The following SPSB1 variants were observed in gnomAD, a reference collection of about 807,000 sequenced individuals.
SPSB1 encodes the protein splA/ryanodine receptor domain and SOCS box containing 1.
SPSB1 carries 8 observed loss-of-function variants against 21.2 expected under a neutral mutation model. The observed-to-expected ratio is 0.38, with a 90% CI of 0.22 to 0.68. SPSB1 has a LOEUF of 0.68. Ranked by LOEUF, SPSB1 falls within the 30% of genes least tolerant of loss-of-function variation. The pLI is 0.53. For synonymous variants in SPSB1, 169 were observed against 161.7 expected (o/e 1.05, Z -0.34); for missense variants, 242 against 377.8 (o/e 0.64, Z 2.98).
rs1400558227 is a variant in SPSB1 at position 9,368,184 on chromosome 1, ATTCTT to A, written c.*612_*616del. The stretch of plus-strand genomic sequence containing the variant: ...TGCCGGTGCCCCGTACCCTGTATTT[ATTCTT>A]TTAACAATAACAAAAGCCATTTATT... On this transcript the variant is annotated 3_prime_UTR_variant, in exon 3 of 3. Transcript: ENST00000328089. 1 of 153,102 alleles carries A rather than the reference ATTCTT, an allele frequency of 6.5e-6. No individual in the cohort carries two copies. The highest frequency in any genetic ancestry group is 2.4e-5 in the African/African-American group (1 of 41,444). The allele number at this position is 153,102 out of a possible 1,614,324, so 9.5% of individuals were successfully genotyped here. A position where few individuals can be genotyped will look rare whatever the true frequency, so the allele number is the denominator to read the frequency against.
At chr1:9,313,224 C>G (rs1429940217) in intron 1 of SPSB1, among the ~76,000 whole-genome samples, 1 of 152,078 alleles carries the variant, frequency 6.6e-6, no homozygotes, top group Non-Finnish European at 1.5e-5. Context: ...TGATGAAACC[C>G]TGTCTCTACT....
intron 2 of SPSB1, among the ~76,000 whole-genome samples, chr1:9,360,251 G>A (rs1640447408): frequency 6.6e-6 from 1 of 152,156 alleles, no homozygotes; most frequent in South Asian, 2.1e-4. Flanking sequence ...TGTCCTGGAT[G>A]CCAAGTGAGG....
intron 1 of SPSB1, among the ~76,000 whole-genome samples, chr1:9,306,919 CTTCTT>C (rs70979729): frequency 0.13 from 8,494 of 65,062 alleles, 340 homozygotes; most frequent in Non-Finnish European, 0.16. Flanking sequence ...TTTTACTTTT[CTTCTT>C]TTCTTCTTTT....
chr1:9,367,393 G>A lies in SPSB1; in HGVS notation c.695-55G>A, dbSNP rs1640592483. ...TAATATTGCTGCTGTGGTTAGCGCTGTTTGCTGAACACCCACCCAAGCTGC... is the reference window on the plus strand; with the variant it reads ...TAATATTGCTGCTGTGGTTAGCGCTATTTGCTGAACACCCACCCAAGCTGC... On this transcript the variant is annotated intron_variant, in intron 2 of 2. Transcript: ENST00000328089. This position sits in a 1 kb window ranked among gnomAD's most constrained non-coding sequence, Gnocchi z 5.9. The A allele has an allele frequency of 1.9e-6, 3 of 1,611,768 alleles. No homozygotes were observed. Among genetic ancestry groups the A allele is most frequent in the African/African-American group, 1.3e-5 (1 of 75,040 alleles).
rs561795344 is a variant in SPSB1, at chr1:9,357,366, T to A, written c.694+781T>A. Among the ~76,000 whole-genome samples the A allele has an allele frequency of 3.9e-5, 6 of 152,234 alleles. No homozygotes were observed. The South Asian group carries it at 1.2e-3, about 32-fold the overall frequency. ...ACTAATGAATTGATGGATAAATGGATAGATGGATGAATTAATAAGTAGGTG... is the reference window on the plus strand; with the variant it reads ...ACTAATGAATTGATGGATAAATGGAAAGATGGATGAATTAATAAGTAGGTG... On this transcript the variant is annotated intron_variant, in intron 2 of 2. Coordinates refer to ENST00000328089, the MANE Select transcript of SPSB1 (RefSeq NM_025106.4).
chr1:9,322,800 C>A (rs967284241), intron 1 of SPSB1, among the ~76,000 whole-genome samples: 1 of 152,134 alleles, frequency 6.6e-6, no homozygotes, highest in Admixed American at 6.5e-5. Flanking sequence ...TGATGGTCAG[C>A]GGGGGCAGGC....
intron 1 of SPSB1, among the ~76,000 whole-genome samples, chr1:9,340,905 G>C (rs942865255): frequency 6.6e-6 from 1 of 152,216 alleles, no homozygotes; most frequent in African/African-American, 2.4e-5. Context: ...TGCGGTGCGG[G>C]GAGGCAGAGT....
intron 1 of SPSB1, among the ~76,000 whole-genome samples, chr1:9,316,433 C>G (rs1221427901): frequency 1.3e-5 from 2 of 152,182 alleles, no homozygotes; most frequent in Non-Finnish European, 2.9e-5. Flanking sequence ...TGTCCCCACA[C>G]GGGCTCAACC....
intron 1 of SPSB1, among the ~76,000 whole-genome samples, chr1:9,308,684 G>A (rs1260279798): frequency 1.3e-5 from 2 of 152,172 alleles, no homozygotes; most frequent in Non-Finnish European, 2.9e-5. Context: ...CCCTTAAACA[G>A]TCCTGTGAGT....
intron 1 of SPSB1, among the ~76,000 whole-genome samples, chr1:9,310,337 T>A (rs1639496557): frequency 6.6e-6 from 1 of 152,154 alleles, no homozygotes; most frequent in Non-Finnish European, 1.5e-5. Context: ...GAAAGGCATC[T>A]CATGTGAGGT....
rs1432301748 is a variant in SPSB1 at position 9,368,520 on chromosome 1, CTT to C, written c.*946_*947del. The C allele has an allele frequency of 6.6e-6, 1 of 152,228 alleles. No homozygotes were observed. Among genetic ancestry groups the C allele is most frequent in the Non-Finnish European group, 1.5e-5 (1 of 68,044 alleles). 9.4% of individuals were successfully genotyped at this position (152,228 alleles called of 1,614,324 possible). ...TGTGTCTCCAGGTAACCAGCTAACT[CTT>C]GGGCTCAGGCACCCTTGCACAGGGT... On this transcript the variant is annotated 3_prime_UTR_variant, in exon 3 of 3. Transcript: ENST00000328089.
At chr1:9,339,139 G>T (rs1012870609) in intron 1 of SPSB1, 202 of 893,236 alleles carry the variant, frequency 2.3e-4, no homozygotes, top group Non-Finnish European at 2.5e-4. Context: ...CTACTGCGGG[G>T]GCTCCGGAGG....
At chr1:9,364,635 C>T (rs1640528300) in intron 2 of SPSB1, among the ~76,000 whole-genome samples, 1 of 152,194 alleles carries the variant, frequency 6.6e-6, no homozygotes, top group African/African-American at 2.4e-5. Flanking sequence ...CTCCATTCGT[C>T]TCCAATCAGA....
intron 2 of SPSB1, among the ~76,000 whole-genome samples, chr1:9,357,887 G>A (rs9435244): frequency 0.16 from 23,717 of 152,120 alleles, 2,038 homozygotes; most frequent in South Asian, 0.23. Context: ...CCCTTCTACC[G>A]CCTGCAAGTC....
At chr1:9,349,460 A>G (rs1221334746) in intron 1 of SPSB1, among the ~76,000 whole-genome samples, 3 of 152,234 alleles carry the variant, frequency 2.0e-5, no homozygotes, top group Non-Finnish European at 4.4e-5. Flanking sequence ...GCTCAACCAG[A>G]GAGGCCAAGG....
chr1:9,342,476 C>A (rs978072651), intron 1 of SPSB1, among the ~76,000 whole-genome samples: 1 of 152,202 alleles, frequency 6.6e-6, no homozygotes, highest in African/African-American at 2.4e-5. Flanking sequence ...TCGCTGATAG[C>A]AGAAGGTAGG....
At position 9,321,110 on chromosome 1, in the gene SPSB1, C is replaced by T. The variant is rs1639715720; in HGVS notation, c.-150+28039C>T. On this transcript the variant is annotated intron_variant, in intron 1 of 2. Transcript: ENST00000328089. The surrounding 1 kb of genome is among the most constrained non-coding windows in gnomAD (Gnocchi z 4.8). ...TTCCCTTTCAGCCTTTTCCTTCTACCCCTCCCCCGAAAAGAAAACAACAAC... is the reference window on the plus strand; with the variant it reads ...TTCCCTTTCAGCCTTTTCCTTCTACTCCTCCCCCGAAAAGAAAACAACAAC... Among the ~76,000 whole-genome samples the T allele has an allele frequency of 6.6e-6, 1 of 152,034 alleles. No homozygotes were observed. Among genetic ancestry groups the T allele is most frequent in the African/African-American group, 2.4e-5 (1 of 41,358 alleles).
At chr1:9,355,670 C>T in intron 1 of SPSB1, 73 bp from the exon 2 acceptor site, 1 of 1,281,920 alleles carries the variant, frequency 7.8e-7, no homozygotes, top group Non-Finnish European at 9.9e-7. Context: ...ATGTGGTCGC[C>T]TTGCCCTCCG....
At chr1:9,365,250 C>T (rs913079942) in intron 2 of SPSB1, among the ~76,000 whole-genome samples, 2 of 152,248 alleles carry the variant, frequency 1.3e-5, no homozygotes, top group African/African-American at 2.4e-5. Context: ...TGGGCCCAAC[C>T]GATCCTCTCG....
Sources: allele counts gnomAD v4.1 joint callset (sites outside exome capture counted in the v4.1 genomes callset), GRCh38; gene constraint gnomAD v4.1.1; non-coding constraint Gnocchi (gnomAD v3.1); transcripts MANE v1.5; gene names NCBI Gene and HGNC (gene_info 2026-07-23, HGNC 2026-07-21).